The following PRKAG2 variants were observed in gnomAD, a reference collection of about 807,000 sequenced individuals.
The protein encoded by PRKAG2 is protein kinase AMP-activated non-catalytic subunit gamma 2, also known as 5'-AMP-activated protein kinase subunit gamma-2.
A neutral mutation model predicts 69.6 loss-of-function variants in PRKAG2; 26 were observed. That is an observed-to-expected ratio of 0.37 (90% CI 0.27 to 0.52). The LOEUF is 0.52. Ranked by LOEUF, PRKAG2 falls within the 20% of genes least tolerant of loss-of-function variation. PRKAG2 has a pLI of 0.90. For synonymous variants in PRKAG2, 293 were observed against 285.0 expected (o/e 1.03, Z -0.28); for missense variants, 557 against 740.0 (o/e 0.75, Z 2.87).
At position 151,596,748 on chromosome 7, in the gene PRKAG2, A is replaced by AAT. The variant is rs536161447; in HGVS notation, c.755-1295_755-1294insAT. 3.7e-4 allele frequency among the ~76,000 whole-genome samples: 54 copies of AAT among 147,436 alleles called. No homozygotes were observed. In the South Asian group the frequency reaches 0.012, roughly 32 times the overall value. ...TTGGTTACAAAGTGAGACTGTCAAA[A>AAT]AAATAAATAAAAATAAAAAAAAAGA... On this transcript the variant is annotated intron_variant, in intron 5 of 15. Transcript: ENST00000287878.
rs567317808 is a variant in PRKAG2 at position 151,839,890 on chromosome 7, G to A, written c.114+36617C>T. Among the ~76,000 whole-genome samples the A allele has an allele frequency of 1.4e-3, 206 of 152,190 alleles. 1 individual carries two copies. The highest frequency in any genetic ancestry group is 3.3e-3 in the Admixed American group (50 of 15,296). On this transcript the variant is annotated intron_variant, in intron 1 of 15. Coordinates refer to ENST00000287878, the MANE Select transcript of PRKAG2 (RefSeq NM_016203.4). ...CACAGCAGAGGAAGCTGAGCAGGGC[G>A]GCAGAGGAAGCTGAGCAGGGTGGCA...
chr7:151,647,961 G>T (rs1292612657), intron 4 of PRKAG2, among the ~76,000 whole-genome samples: 4 of 152,186 alleles, frequency 2.6e-5, no homozygotes, highest in African/African-American at 9.7e-5. Context: ...ATAGGAAAGA[G>T]ATTGGGAATG....
intron 3 of PRKAG2, among the ~76,000 whole-genome samples, chr7:151,712,602 C>T (rs372818067): frequency 4.6e-5 from 7 of 152,248 alleles, no homozygotes; most frequent in African/African-American, 1.4e-4. Flanking sequence ...GGCCTGACCT[C>T]GGACACCAGC....
At chr7:151,679,967 G>A (rs747912527) in intron 3 of PRKAG2, among the ~76,000 whole-genome samples, 1 of 151,946 alleles carries the variant, frequency 6.6e-6, no homozygotes, top group East Asian at 1.9e-4. Context: ...TGGCGAGATT[G>A]CTTGAGCCCA....
chr7:151,752,073 G>A (rs112191862), intron 3 of PRKAG2, among the ~76,000 whole-genome samples: 70 of 152,306 alleles, frequency 4.6e-4, no homozygotes, highest in African/African-American at 1.5e-3. Flanking sequence ...ACAGTGATCC[G>A]CCTGGAGAGG....
chr7:151,611,943 A>G (rs1297250469), intron 5 of PRKAG2, among the ~76,000 whole-genome samples: 4 of 152,054 alleles, frequency 2.6e-5, no homozygotes, highest in Non-Finnish European at 5.9e-5. Flanking sequence ...TACTCGAGAG[A>G]CTGAGGCTTG....
At chr7:151,568,564 G>T in intron 11 of PRKAG2, 152 bp downstream of exon 11, 1 of 750,514 alleles carries the variant, frequency 1.3e-6, no homozygotes. Context: ...GTACAATTCA[G>T]AGAGTAGTAA....
chr7:151,730,072 T>C (rs7786980), intron 3 of PRKAG2, among the ~76,000 whole-genome samples: 3,743 of 152,266 alleles, frequency 0.025, 141 homozygotes, highest in African/African-American at 0.085. Flanking sequence ...CTGTGAGTGA[T>C]GGAGGACATG....
intron 4 of PRKAG2, among the ~76,000 whole-genome samples, chr7:151,665,064 T>C (rs1830843768): frequency 6.6e-6 from 1 of 152,158 alleles, no homozygotes; most frequent in Non-Finnish European, 1.5e-5. Context: ...CATCTGTTAG[T>C]TTTGCTGCCC....
chr7:151,700,919 G>A lies in PRKAG2; in HGVS notation c.467-25282C>T, dbSNP rs73728274. On this transcript the variant is annotated intron_variant, in intron 3 of 15. Transcript: ENST00000287878. ...CCCATCCAGCCTGCCCGGGAAATCC[G>A]AGCAGGGATCACACAGGATGTCCCA... 1.9e-3 allele frequency among the ~76,000 whole-genome samples: 287 copies of A among 152,322 alleles called. 1 individual carries two copies. Among genetic ancestry groups the A allele is most frequent in the Middle Eastern group, 6.8e-3 (2 of 294 alleles).
intron 3 of PRKAG2, among the ~76,000 whole-genome samples, chr7:151,749,154 T>A (rs1472403832): frequency 6.6e-6 from 1 of 152,180 alleles, no homozygotes; most frequent in Non-Finnish European, 1.5e-5. Flanking sequence ...TAACCATCCA[T>A]CCAAAGATCA....
At chr7:151,847,163 C>G (rs1313711211) in intron 1 of PRKAG2, among the ~76,000 whole-genome samples, 1 of 152,218 alleles carries the variant, frequency 6.6e-6, no homozygotes, top group Non-Finnish European at 1.5e-5. Flanking sequence ...AGACTGCAGC[C>G]TTAGGCTGGG....
intron 3 of PRKAG2, among the ~76,000 whole-genome samples, chr7:151,773,350 T>G (rs1329762427): frequency 6.6e-6 from 1 of 152,208 alleles, no homozygotes; most frequent in Non-Finnish European, 1.5e-5. Flanking sequence ...ATTATTGGTT[T>G]ATAGATCCCT....
rs1824878948 is a variant in PRKAG2, at chr7:151,632,459, A to G, written c.685-321T>C. On this transcript the variant is annotated intron_variant, in intron 4 of 15. Transcript: ENST00000287878. This position sits in a 1 kb window ranked among gnomAD's most constrained non-coding sequence, Gnocchi z 4.2. ...AGGGACCCGGGAGCTCGAGGGCGGC[A>G]GCGCCTGGGCCCGGGGCGCCCCCCT... 1 of 679,508 alleles carries G rather than the reference A, an allele frequency of 1.5e-6. No individual in the cohort carries two copies. The highest frequency in any genetic ancestry group is 1.4e-4 in the East Asian group (1 of 7,394). The allele number at this position is 679,508 out of a possible 1,614,324, so 42.1% of individuals were successfully genotyped here. A position where few individuals can be genotyped will look rare whatever the true frequency, so the allele number is the denominator to read the frequency against.
intron 1 of PRKAG2, among the ~76,000 whole-genome samples, chr7:151,853,759 C>CAA (rs56098823): frequency 5.5e-5 from 6 of 109,968 alleles, no homozygotes; most frequent in Non-Finnish European, 7.5e-5. Flanking sequence ...GACTCCGTCT[C>CAA]AAAAAAAAAA....
intron 1 of PRKAG2, among the ~76,000 whole-genome samples, chr7:151,791,607 A>G (rs2077276399): frequency 6.6e-6 from 1 of 152,240 alleles, no homozygotes; most frequent in Non-Finnish European, 1.5e-5. Flanking sequence ...CCTTGACCAC[A>G]TGTGTTGGAG....
intron 4 of PRKAG2, among the ~76,000 whole-genome samples, chr7:151,648,137 G>T (rs1827865261): frequency 6.6e-6 from 1 of 152,106 alleles, no homozygotes; most frequent in South Asian, 2.1e-4. Context: ...GGGTGGTGTG[G>T]ATCATGCTGA....
At chr7:151,599,347 C>T (rs1815424373) in intron 5 of PRKAG2, among the ~76,000 whole-genome samples, 1 of 152,152 alleles carries the variant, frequency 6.6e-6, no homozygotes, top group African/African-American at 2.4e-5. Context: ...ACTCATTTCT[C>T]TGCCTCCATG....
chr7:151,618,985 C>T (rs1820842961), intron 5 of PRKAG2, among the ~76,000 whole-genome samples: 1 of 151,934 alleles, frequency 6.6e-6, no homozygotes. Flanking sequence ...ACACACTCTT[C>T]TAAATAAGGG....
Sources: allele counts gnomAD v4.1 joint callset (sites outside exome capture counted in the v4.1 genomes callset), GRCh38; gene constraint gnomAD v4.1.1; non-coding constraint Gnocchi (gnomAD v3.1); transcripts MANE v1.5; gene names NCBI Gene and HGNC (gene_info 2026-07-23, HGNC 2026-07-21).